Variants in TBC1D19 observed in about 807,000 individuals in gnomAD.
TBC1D19 encodes TBC1 domain family, member 19.
Under a neutral mutation model 89.0 loss-of-function variants are expected in TBC1D19, and 60 were observed. The ratio of observed to expected loss-of-function variants is 0.67; its 90% CI spans 0.55 to 0.84. TBC1D19 has a LOEUF of 0.84. Among genes scored for constraint, TBC1D19 ranks in the 40% least tolerant of loss-of-function variants. TBC1D19 has a pLI of 0.00. For synonymous variants in TBC1D19, 189 were observed against 199.7 expected (o/e 0.95, Z 0.45); for missense variants, 500 against 610.8 (o/e 0.82, Z 1.91).
the TBC1D19 span, among the ~76,000 whole-genome samples, chr4:26,767,322 T>A: frequency 2.0e-5 from 3 of 152,334 alleles, no homozygotes; most frequent in Admixed American, 6.5e-5. Context: ...TTTCTCAGCA[T>A]TGCATATACA....
the TBC1D19 span, among the ~76,000 whole-genome samples, chr4:26,817,968 TAAAA>T: frequency 1.7e-5 from 2 of 119,182 alleles, no homozygotes; most frequent in African/African-American, 3.8e-5. Context: ...AAACTCCATT[TAAAA>T]AAAAAAAAAA....
At chr4:26,583,559 CT>C (rs1739202877), upstream of TBC1D19, among the ~76,000 whole-genome samples, 1 of 152,144 alleles carries the variant, frequency 6.6e-6, no homozygotes, top group Admixed American at 6.5e-5. Flanking sequence ...ACGAGATTGT[CT>C]ACTTATTCCT....
At chr4:26,821,266 A>G in the TBC1D19 span, among the ~76,000 whole-genome samples, 2 of 152,214 alleles carry the variant, frequency 1.3e-5, no homozygotes, top group South Asian at 2.1e-4. Flanking sequence ...TCAAAGGAGT[A>G]TCATAGTTTT....
chr4:26,579,694 G>T (rs1205700996), upstream of TBC1D19, among the ~76,000 whole-genome samples: 1 of 137,128 alleles, frequency 7.3e-6, no homozygotes, highest in Admixed American at 7.7e-5. Context: ...AGTGTGTGTT[G>T]TTCCCCTAGC....
At chr4:26,789,217 G>T in the TBC1D19 span, among the ~76,000 whole-genome samples, 1 of 152,218 alleles carries the variant, frequency 6.6e-6, no homozygotes, top group African/African-American at 2.4e-5. Flanking sequence ...GCCTTTGGCA[G>T]AGATTGGTAA....
intron 11 of TBC1D19, among the ~76,000 whole-genome samples, chr4:26,674,279 T>G (rs2109114214): frequency 6.6e-6 from 1 of 152,248 alleles, no homozygotes; most frequent in South Asian, 2.1e-4. Flanking sequence ...TAGGTACTTT[T>G]GAAATATGCA....
intron 3 of TBC1D19, among the ~76,000 whole-genome samples, chr4:26,620,401 A>G (rs985532977): frequency 2.0e-5 from 3 of 152,176 alleles, no homozygotes; most frequent in Admixed American, 1.3e-4. Flanking sequence ...GAGAACAGAG[A>G]ATGTTATCTC....
intron 11 of TBC1D19, among the ~76,000 whole-genome samples, chr4:26,675,308 C>G (rs1008066972): frequency 2.8e-4 from 43 of 151,922 alleles, no homozygotes; most frequent in Admixed American, 2.8e-3. Flanking sequence ...AATAACCCCA[C>G]GTAATAATAA....
chr4:26,618,909 T>C (rs562825281), intron 3 of TBC1D19, among the ~76,000 whole-genome samples: 44 of 152,326 alleles, frequency 2.9e-4, no homozygotes, highest in Non-Finnish European at 5.3e-4. Context: ...TCAAGTGTGC[T>C]GTATAAGTTT....
At chr4:26,803,933 A>G in the TBC1D19 span, among the ~76,000 whole-genome samples, 16 of 149,336 alleles carry the variant, frequency 1.1e-4, no homozygotes, top group Non-Finnish European at 5.9e-5. Context: ...GGGAGGGGGC[A>G]TGGAGGTAGG....
At chr4:26,711,234 T>C (rs1316586914) in intron 13 of TBC1D19, among the ~76,000 whole-genome samples, 1 of 152,182 alleles carries the variant, frequency 6.6e-6, no homozygotes, top group East Asian at 1.9e-4. Flanking sequence ...GTTTCAGCTT[T>C]CTACATATGG....
At chr4:26,820,288 T>C in the TBC1D19 span, among the ~76,000 whole-genome samples, 2 of 152,338 alleles carry the variant, frequency 1.3e-5, no homozygotes, top group Non-Finnish European at 2.9e-5. Flanking sequence ...TCTGAAACTT[T>C]GTACTGTTTG....
the TBC1D19 span, among the ~76,000 whole-genome samples, chr4:26,779,323 G>A: frequency 1.3e-5 from 2 of 152,206 alleles, no homozygotes; most frequent in African/African-American, 4.8e-5. Context: ...GGAACTCCGG[G>A]AGAAGGGGTG....
At chr4:26,734,938 A>G (rs1014332165) in intron 15 of TBC1D19, among the ~76,000 whole-genome samples, 20 of 59,354 alleles carry the variant, frequency 3.4e-4, no homozygotes, top group East Asian at 9.3e-4. Flanking sequence ...ATATGTGTGT[A>G]TATATGTATA....
chr4:26,846,869 C>G, the TBC1D19 span, among the ~76,000 whole-genome samples: 2 of 152,132 alleles, frequency 1.3e-5, no homozygotes, highest in East Asian at 1.9e-4. Flanking sequence ...TTTTTGCTCA[C>G]TCTCTCCTGG....
At chr4:26,827,339 T>C in the TBC1D19 span, among the ~76,000 whole-genome samples, 5 of 152,246 alleles carry the variant, frequency 3.3e-5, no homozygotes, top group African/African-American at 1.2e-4. Flanking sequence ...GCACAGTGAC[T>C]CACGCCTGCA....
chr4:26,834,214 T>C, the TBC1D19 span, among the ~76,000 whole-genome samples: 1 of 152,200 alleles, frequency 6.6e-6, no homozygotes, highest in East Asian at 1.9e-4. Context: ...TGCAGAACCA[T>C]GAGCCAATTA....
chr4:26,633,010 C>A (rs760155280), intron 4 of TBC1D19, among the ~76,000 whole-genome samples: 18 of 152,236 alleles, frequency 1.2e-4, no homozygotes, highest in South Asian at 2.1e-4. Context: ...TCACTCCCAA[C>A]CTTTTTTGGT....
chr4:26,711,558 T>C (rs1577971244), intron 13 of TBC1D19, among the ~76,000 whole-genome samples: 1 of 152,204 alleles, frequency 6.6e-6, no homozygotes, highest in East Asian at 1.9e-4. Flanking sequence ...AACTAAATCT[T>C]TTGTGGCTAT....
Sources: gnomAD v4.1 joint callset for allele counts (sites outside exome capture counted in the v4.1 genomes callset) on GRCh38, gnomAD v4.1.1 for gene constraint, MANE v1.5 for transcripts, NCBI Gene and HGNC (gene_info 2026-07-23, HGNC 2026-07-21) for gene names.